The following WDR19 variants were observed in gnomAD, a reference collection of about 807,000 sequenced individuals.
WDR19 encodes the protein WD repeat domain 19.
In WDR19, 121 loss-of-function variants were observed where a neutral mutation model predicts 180.0. The observed-to-expected ratio is 0.67, with a 90% confidence interval of 0.58 to 0.78. WDR19 has a LOEUF of 0.78. WDR19 is among the 30% of genes least tolerant of loss of function. The pLI, the probability that WDR19 is intolerant of heterozygous loss-of-function variation, is 0.00. For synonymous variants in WDR19, 497 were observed against 540.7 expected, an observed-to-expected ratio of 0.92 and a Z score of 1.12; for missense variants, 1,450 against 1,640.7, an observed-to-expected ratio of 0.88 and a Z score of 2.01.
chr4:39,274,675 C>G lies in WDR19; in HGVS notation c.3566-133C>G, dbSNP rs144160935. 8.3e-4 allele frequency: 873 copies of G among 1,047,998 alleles called. 8 individuals are homozygous for G. The African/African-American group carries it at 0.012, about 15-fold the overall frequency. 64.9% of individuals were successfully genotyped at this position (1,047,998 alleles called of 1,614,324 possible). The stretch of plus-strand genomic sequence containing the variant: ...ACTTTCCTCATTAAACAGATCATAT[C>G]TGGTTCTTTGCAGAAAAAGCAAAGT... On this transcript the variant is annotated intron_variant, in intron 32 of 36. Coordinates refer to ENST00000399820, the MANE Select transcript of WDR19 (RefSeq NM_025132.4).
At chr4:39,235,586 A>C (rs1429907771) in intron 20 of WDR19, among the ~76,000 whole-genome samples, 1 of 152,196 alleles carries the variant, frequency 6.6e-6, no homozygotes, top group Non-Finnish European at 1.5e-5. Flanking sequence ...TTTCATCTAC[A>C]TTTTCTATTT....
chr4:39,272,813 GA>G (rs1363883341), intron 31 of WDR19, among the ~76,000 whole-genome samples, 166 bp from the exon 32 acceptor site: 1 of 152,160 alleles, frequency 6.6e-6, no homozygotes, highest in Non-Finnish European at 1.5e-5. Flanking sequence ...AGTAGCTGTT[GA>G]AGAGAAAAAA....
At chr4:39,241,449 G>A (rs1210706312) in intron 21 of WDR19, among the ~76,000 whole-genome samples, 17 of 143,742 alleles carry the variant, frequency 1.2e-4, no homozygotes, top group Admixed American at 2.1e-4. Flanking sequence ...AGCTGAGATT[G>A]CGCCATTGCA....
chr4:39,202,903 G>A (rs1387286751), intron 6 of WDR19, among the ~76,000 whole-genome samples: 2 of 151,846 alleles, frequency 1.3e-5, no homozygotes, highest in Non-Finnish European at 2.9e-5. Flanking sequence ...GTTTATGTGT[G>A]GAAATTTTTT....
At chr4:39,222,296 A>G (rs1283044372) in intron 14 of WDR19, among the ~76,000 whole-genome samples, 2 of 152,150 alleles carry the variant, frequency 1.3e-5, no homozygotes, top group Non-Finnish European at 2.9e-5. Context: ...AGTTCTTTAT[A>G]TATATTTGGA....
chr4:39,215,638 T>C (rs1361025557), intron 10 of WDR19, among the ~76,000 whole-genome samples: 2 of 152,208 alleles, frequency 1.3e-5, no homozygotes, highest in Non-Finnish European at 2.9e-5. Flanking sequence ...TACTTTCCCT[T>C]TGAGCCACAG....
intron 4 of WDR19, 101 bp downstream of exon 4, chr4:39,189,882 C>A: frequency 1.6e-6 from 2 of 1,261,144 alleles, no homozygotes; most frequent in South Asian, 1.6e-5. Context: ...AAAGATTCCT[C>A]AATGAGTTAT....
chr4:39,204,686 C>G (rs1399942859), intron 7 of WDR19, among the ~76,000 whole-genome samples: 1 of 152,148 alleles, frequency 6.6e-6, no homozygotes, highest in Non-Finnish European at 1.5e-5. Context: ...CTAGTTTAGC[C>G]AACACTGACC....
rs928504786 is a variant in WDR19 at position 39,281,952 on chromosome 4, A to G, written c.*13+3289A>G. On this transcript the variant is annotated intron_variant, in intron 36 of 36. Coordinates refer to ENST00000399820, the MANE Select transcript of WDR19 (RefSeq NM_025132.4). ...TTCCTGACACGTGACCCTCCCCACA[A>G]CATGAAACTGCTTCAAGTCCAGTGT... Among the ~76,000 whole-genome samples the G allele has an allele frequency of 3.3e-5, 5 of 152,112 alleles. No homozygotes were observed. In the East Asian group the frequency reaches 9.6e-4, roughly 29 times the overall value.
At chr4:39,232,122 C>G in intron 18 of WDR19, 40 bp from the exon 19 acceptor site, 1 of 1,537,108 alleles carries the variant, frequency 6.5e-7, no homozygotes, top group Non-Finnish European at 8.9e-7. Flanking sequence ...AAGTTAAACT[C>G]TTGCATTTTT....
intron 5 of WDR19, among the ~76,000 whole-genome samples, chr4:39,197,940 G>C (rs982081647): frequency 1.3e-5 from 2 of 152,152 alleles, no homozygotes; most frequent in Non-Finnish European, 2.9e-5. Flanking sequence ...CCAGGCTCAA[G>C]GGATCCTCCC....
In WDR19 at chr4:39,218,015, A is replaced by C; in HGVS notation, c.1389A>C (p.Glu463Asp). The C allele has an allele frequency of 6.2e-7, 1 of 1,613,930 alleles. No individual in the cohort carries two copies. Among genetic ancestry groups the C allele is most frequent in the Non-Finnish European group, 8.5e-7 (1 of 1,179,842 alleles). ...GCGAAATCTTGGATGCTCAAGAAGA[A>C]CGTGAGACTCGGCTTTTCCCAGCAG... ...IESEILDAQE[E>D]RETRLFPAVD... The change falls in exon 14 of 37, where the codon GAA becomes GAC. Residue 463 changes from glutamate (E) to aspartate (D), a missense_variant. By Grantham distance (45) the Glu-to-Asp change is conservative. Coordinates refer to ENST00000399820, the MANE Select transcript of WDR19 (RefSeq NM_025132.4).
At chr4:39,236,363 G>T (rs915619133) in intron 20 of WDR19, among the ~76,000 whole-genome samples, 1 of 152,070 alleles carries the variant, frequency 6.6e-6, no homozygotes, top group Non-Finnish European at 1.5e-5. Flanking sequence ...GCAGCAACAT[G>T]GGTGGAACTG....
intron 9 of WDR19, among the ~76,000 whole-genome samples, chr4:39,207,745 A>G (rs182474592): frequency 1.0e-3 from 157 of 152,352 alleles, no homozygotes; most frequent in African/African-American, 3.3e-3. Flanking sequence ...TGCTGAAGGA[A>G]GTTCTTCAGA....
intron 36 of WDR19, among the ~76,000 whole-genome samples, chr4:39,284,292 T>G (rs1314948819): frequency 6.6e-6 from 1 of 151,882 alleles, no homozygotes; most frequent in East Asian, 1.9e-4. Context: ...TTGATCTATA[T>G]TCTAGTTCAC....
At chr4:39,263,217 C>G (rs954835990) in intron 28 of WDR19, among the ~76,000 whole-genome samples, 2 of 152,062 alleles carry the variant, frequency 1.3e-5, no homozygotes, top group Non-Finnish European at 2.9e-5. Context: ...GAGAGTCCTC[C>G]TTACCTCCTT....
intron 19 of WDR19, 26 bp from the exon 20 acceptor site, chr4:39,234,740 A>T: frequency 4.7e-6 from 7 of 1,494,026 alleles, no homozygotes; most frequent in Non-Finnish European, 6.4e-6. Context: ...GCTCATTTGA[A>T]ATTAAGGTCT....
intron 19 of WDR19, among the ~76,000 whole-genome samples, chr4:39,233,648 A>G (rs1219019539): frequency 1.3e-5 from 2 of 152,232 alleles, no homozygotes; most frequent in African/African-American, 2.4e-5. Flanking sequence ...ATCATTCTAT[A>G]GCAAATTTTC....
chr4:39,189,869 T>G, intron 4 of WDR19, 88 bp downstream of exon 4: 2 of 1,373,966 alleles, frequency 1.5e-6, no homozygotes, highest in South Asian at 2.9e-5. Context: ...CTACTTTCAT[T>G]TTAAAGATTC....
Sources: gnomAD v4.1 joint callset for allele counts (sites outside exome capture counted in the v4.1 genomes callset) on GRCh38, gnomAD v4.1.1 for gene constraint, MANE v1.5 for transcripts, NCBI Gene and HGNC (gene_info 2026-07-23, HGNC 2026-07-21) for gene names.